Variants in IPO8 observed in about 807,000 individuals in gnomAD.
IPO8 encodes importin-8.
In IPO8, 65 loss-of-function variants were observed where a neutral mutation model predicts 141.2. The ratio of observed to expected loss-of-function variants is 0.46; its 90% CI spans 0.38 to 0.57. The LOEUF is 0.57. Among genes scored for constraint, IPO8 ranks in the 20% least tolerant of loss-of-function variants. IPO8 has a pLI of 0.00. For synonymous variants in IPO8, 411 were observed against 420.3 expected (o/e 0.98, Z 0.27); for missense variants, 980 against 1,246.8 (o/e 0.79, Z 3.22).
chr12:30,650,354 G>T (rs1463395811), intron 19 of IPO8, among the ~76,000 whole-genome samples: 1 of 151,988 alleles, frequency 6.6e-6, no homozygotes, highest in Non-Finnish European at 1.5e-5. Context: ...CATATACAAA[G>T]ACAGAAAAAA....
At position 30,629,458 on chromosome 12, in the gene IPO8, T is replaced by A. The variant is rs981054151; in HGVS notation, c.*1402A>T. On this transcript the variant is annotated 3_prime_UTR_variant, in exon 25 of 25. Coordinates refer to ENST00000256079, the MANE Select transcript of IPO8 (RefSeq NM_006390.4). ...TCACTTAACCTAAAATTCTAAAGAGTTAATATGCATGAGGGATGGTAATAT... is the reference window on the plus strand; with the variant it reads ...TCACTTAACCTAAAATTCTAAAGAGATAATATGCATGAGGGATGGTAATAT... 9 of 152,064 alleles carry A rather than the reference T, an allele frequency of 5.9e-5. No individual in the cohort carries two copies. Among genetic ancestry groups the A allele is most frequent in the Admixed American group, 2.6e-4 (4 of 15,272 alleles). The allele number at this position is 152,064 out of a possible 1,614,324, so 9.4% of individuals were successfully genotyped here. A position where few individuals can be genotyped will look rare whatever the true frequency, so the allele number is the denominator to read the frequency against.
intron 1 of IPO8, among the ~76,000 whole-genome samples, chr12:30,694,709 T>C (rs2053320781): frequency 6.6e-6 from 1 of 152,210 alleles, no homozygotes; most frequent in African/African-American, 2.4e-5. Flanking sequence ...TTTTGGAATA[T>C]TTACATTTTA....
At position 30,674,038 on chromosome 12, in the gene IPO8, A is replaced by C; in HGVS notation, c.861T>G (p.Phe287Leu). ...TTTTCAAAAAGAATTCAGAAAATTC[A>C]AAGTATTCTTTTGTGACATTTCCTG... The part of the protein sequence containing the change: ...GSPGNVTKEY[F>L]EFSEFFLKTY... Residue 287 changes from phenylalanine (F) to leucine (L), a missense_variant, in exon 8 of 25, where the codon TTT becomes TTG. By Grantham distance (22) the Phe-to-Leu change is conservative. Coordinates refer to ENST00000256079, the MANE Select transcript of IPO8 (RefSeq NM_006390.4). 1 of 1,593,726 alleles carries C rather than the reference A, an allele frequency of 6.3e-7. No homozygotes were observed. The highest frequency in any genetic ancestry group is 2.2e-5 in the East Asian group (1 of 44,468).
chr12:30,632,911 T>C (rs2136122095), intron 23 of IPO8, among the ~76,000 whole-genome samples: 1 of 152,340 alleles, frequency 6.6e-6, no homozygotes, highest in South Asian at 2.1e-4. Flanking sequence ...CTTCACAGTC[T>C]TTAAGCAGTG....
At chr12:30,641,152 CAATT>C (rs1223305051) in intron 20 of IPO8, among the ~76,000 whole-genome samples, 1 of 152,120 alleles carries the variant, frequency 6.6e-6, no homozygotes, top group African/African-American at 2.4e-5. Context: ...CGTAAATGCA[CAATT>C]AGAGCACTGT....
chr12:30,677,085 C>G (rs1210973582), intron 5 of IPO8: 1 of 1,516,110 alleles, frequency 6.6e-7, no homozygotes, highest in African/African-American at 1.4e-5. Flanking sequence ...GATATTGCCT[C>G]CACATCCATT....
At chr12:30,665,675 A>G in intron 12 of IPO8, 54 bp downstream of exon 12, 2 of 1,126,752 alleles carry the variant, frequency 1.8e-6, no homozygotes, top group South Asian at 2.6e-5. Context: ...ATATTCTCTC[A>G]TTTGCCTGTA....
At position 30,658,554 on chromosome 12, in the gene IPO8, A is replaced by G. The variant is rs1386326299; in HGVS notation, c.1882-1804T>C. On this transcript the variant is annotated intron_variant, in intron 16 of 24. Transcript: ENST00000256079. Reference sequence around the variant, plus strand: ...ATTTGGAATTCAAAATAAATTTAATATCAAGAGAAAAAATAAAAACAGAAA... The same window carrying G: ...ATTTGGAATTCAAAATAAATTTAATGTCAAGAGAAAAAATAAAAACAGAAA... Among the ~76,000 whole-genome samples, 3 of 152,310 alleles carry G rather than the reference A, an allele frequency of 2.0e-5. No homozygotes were observed. In the East Asian group the frequency reaches 5.8e-4, roughly 29 times the overall value.
chr12:30,637,459 G>T (rs2052518372), intron 21 of IPO8, among the ~76,000 whole-genome samples: 1 of 152,098 alleles, frequency 6.6e-6, no homozygotes, highest in Non-Finnish European at 1.5e-5. Flanking sequence ...TTATATATGG[G>T]CCTCGGCATA....
intron 23 of IPO8, among the ~76,000 whole-genome samples, chr12:30,633,443 A>G (rs1445995783): frequency 6.6e-6 from 1 of 152,170 alleles, no homozygotes; most frequent in Non-Finnish European, 1.5e-5. Flanking sequence ...AAATATCCTC[A>G]TTGGCTTGTT....
intron 5 of IPO8, among the ~76,000 whole-genome samples, chr12:30,679,393 A>G (rs1394320488): frequency 6.6e-6 from 1 of 152,224 alleles, no homozygotes; most frequent in African/African-American, 2.4e-5. Context: ...GAGGCTTTAG[A>G]AAAATTATTT....
chr12:30,677,023 T>C, intron 5 of IPO8: 2 of 1,528,426 alleles, frequency 1.3e-6, no homozygotes, highest in South Asian at 1.2e-5. Flanking sequence ...GTCCACTTTG[T>C]ACTAAACAGA....
intron 5 of IPO8, among the ~76,000 whole-genome samples, chr12:30,680,086 C>T (rs1337627438): frequency 1.3e-5 from 2 of 151,670 alleles, no homozygotes; most frequent in Non-Finnish European, 2.9e-5. Flanking sequence ...AATATGATTT[C>T]CCAATAGAAG....
At chr12:30,635,991 C>T (rs1394514932) in intron 22 of IPO8, among the ~76,000 whole-genome samples, 3 of 151,996 alleles carry the variant, frequency 2.0e-5, no homozygotes, top group African/African-American at 4.8e-5. Flanking sequence ...AATTCTACAA[C>T]TGTTGACACA....
chr12:30,675,858 G>A (rs1591840881), intron 6 of IPO8, among the ~76,000 whole-genome samples: 1 of 147,336 alleles, frequency 6.8e-6, no homozygotes, highest in South Asian at 2.2e-4. Context: ...AAAAAAAAAA[G>A]GAAAAGAAAA....
rs770143862 is a variant in IPO8 at position 30,673,981 on chromosome 12, G to GT, written c.909+8dup. On this transcript the variant is annotated intron_variant, in intron 8 of 24. Coordinates refer to ENST00000256079, the MANE Select transcript of IPO8 (RefSeq NM_006390.4). Reference sequence around the variant, plus strand: ...CCATTATTCTATTTTAAAAGCATAAGTTTATTACCTGCTGAATGCCCACTG... The same window carrying GT: ...CCATTATTCTATTTTAAAAGCATAAGTTTTATTACCTGCTGAATGCCCACTG... 1.3e-6 allele frequency: 2 copies of GT among 1,536,116 alleles called. No homozygotes were observed. The highest frequency in any genetic ancestry group is 4.6e-5 in the East Asian group (2 of 43,892).
At chr12:30,682,335 A>C (rs1050848833) in intron 3 of IPO8, among the ~76,000 whole-genome samples, 5 of 152,204 alleles carry the variant, frequency 3.3e-5, no homozygotes, top group Non-Finnish European at 7.4e-5. Flanking sequence ...TGTTGAATCT[A>C]TCCAAAGCAG....
chr12:30,650,592 C>T lies in IPO8; in HGVS notation c.2173-1360G>A, dbSNP rs955004746. 7.9e-5 allele frequency among the ~76,000 whole-genome samples: 12 copies of T among 152,090 alleles called. 1 individual carries two copies. Among genetic ancestry groups the T allele is most frequent in the African/African-American group, 2.9e-4 (12 of 41,422 alleles). On this transcript the variant is annotated intron_variant, in intron 19 of 24. Coordinates refer to ENST00000256079, the MANE Select transcript of IPO8 (RefSeq NM_006390.4). ...ATTAGCTGTGTTTTTAGAAACGTTACTTAACCTCTTTTACTGTCCCCATCT... is the reference window on the plus strand; with the variant it reads ...ATTAGCTGTGTTTTTAGAAACGTTATTTAACCTCTTTTACTGTCCCCATCT...
At chr12:30,633,659 T>G (rs2052463217) in intron 23 of IPO8, among the ~76,000 whole-genome samples, 1 of 152,208 alleles carries the variant, frequency 6.6e-6, no homozygotes, top group South Asian at 2.1e-4. Flanking sequence ...AAGTAAAAAG[T>G]CACCCTCTTA....
Sources: allele counts gnomAD v4.1 joint callset (sites outside exome capture counted in the v4.1 genomes callset), GRCh38; gene constraint gnomAD v4.1.1; transcripts MANE v1.5; gene names NCBI Gene and HGNC (gene_info 2026-07-23, HGNC 2026-07-21).